Variants in NECTIN3 observed in about 807,000 individuals in gnomAD.
The protein encoded by NECTIN3 is nectin cell adhesion molecule 3, also known as nectin-3.
A neutral mutation model predicts 49.4 loss-of-function variants in NECTIN3; 8 were observed. The observed-to-expected ratio is 0.16, with a 90% CI of 0.10 to 0.29. The LOEUF is 0.29. Ranked by LOEUF, NECTIN3 falls within the 10% of genes least tolerant of loss-of-function variation. NECTIN3 has a pLI of 1.00. For missense variants in NECTIN3, 581 were observed against 654.6 expected (o/e 0.89, Z 1.23); for synonymous variants, 277 against 241.1 (o/e 1.15, Z -1.38).
intron 5 of NECTIN3, among the ~76,000 whole-genome samples, chr3:111,128,104 G>A (rs2034240097): frequency 1.3e-5 from 2 of 152,002 alleles, no homozygotes; most frequent in African/African-American, 4.8e-5. Flanking sequence ...TTGGGAGGCC[G>A]AGGTAGGTGG....
At chr3:111,107,950 G>A (rs572951498) in intron 1 of NECTIN3, among the ~76,000 whole-genome samples, 5 of 152,208 alleles carry the variant, frequency 3.3e-5, no homozygotes, top group African/African-American at 1.2e-4. Flanking sequence ...TGTAATTAGA[G>A]GCTTATGGAA....
intron 1 of NECTIN3, chr3:111,192,423 TG>T (rs1371285837): frequency 6.5e-7 from 1 of 1,532,774 alleles, no homozygotes; most frequent in African/African-American, 1.4e-5. Context: ...TGTAAGTAAC[TG>T]TGTTGTCGGT....
At chr3:111,098,223 T>A (rs776781001) in intron 1 of NECTIN3, among the ~76,000 whole-genome samples, 13 of 152,374 alleles carry the variant, frequency 8.5e-5, no homozygotes, top group Middle Eastern at 3.4e-3. Context: ...TTTTTGTTCA[T>A]GTTATCACTA....
At chr3:111,091,876 A>G (rs2032291753) in intron 1 of NECTIN3, among the ~76,000 whole-genome samples, 1 of 152,170 alleles carries the variant, frequency 6.6e-6, no homozygotes, top group African/African-American at 2.4e-5. Context: ...AGAACTACCA[A>G]ACTGTTTTCC....
chr3:111,098,912 T>G (rs2032744358), intron 1 of NECTIN3, among the ~76,000 whole-genome samples: 1 of 148,240 alleles, frequency 6.7e-6, no homozygotes, highest in Non-Finnish European at 1.5e-5. Context: ...GGTAGGTTGT[T>G]AAATAAACGT....
intron 2 of NECTIN3, among the ~76,000 whole-genome samples, chr3:111,118,418 C>A (rs1378462509): frequency 6.6e-6 from 1 of 151,204 alleles, no homozygotes; most frequent in Non-Finnish European, 1.5e-5. Flanking sequence ...GAATGTATAT[C>A]TTTATCAGGT....
intron 1 of NECTIN3, chr3:111,072,648 G>A: frequency 2.1e-6 from 3 of 1,424,206 alleles, no homozygotes; most frequent in Non-Finnish European, 2.9e-6. Flanking sequence ...CCACCCTGGA[G>A]AAGGCACCAT....
intron 1 of NECTIN3, among the ~76,000 whole-genome samples, chr3:111,101,829 T>C (rs2032922087): frequency 6.6e-6 from 1 of 152,206 alleles, no homozygotes; most frequent in African/African-American, 2.4e-5. Flanking sequence ...TCTAGTTCTT[T>C]GTGCCATTTC....
upstream of NECTIN3, among the ~76,000 whole-genome samples, chr3:111,189,572 T>C (rs1267337476): frequency 6.6e-6 from 1 of 152,152 alleles, no homozygotes; most frequent in African/African-American, 2.4e-5. Flanking sequence ...CAGCAGTGAG[T>C]GATGTGAAAT....
intron 1 of NECTIN3, among the ~76,000 whole-genome samples, chr3:111,082,897 G>GGC (rs2031707832): frequency 6.6e-6 from 1 of 152,214 alleles, no homozygotes; most frequent in Non-Finnish European, 1.5e-5. Context: ...TCAGGCATTA[G>GGC]ATTCTTGTAA....
chr3:111,166,264 G>A (rs2035317554), intron 7 of NECTIN3, among the ~76,000 whole-genome samples: 2 of 152,222 alleles, frequency 1.3e-5, no homozygotes, highest in South Asian at 4.1e-4. Context: ...ATTAGCTCAA[G>A]CACGTCACAT....
chr3:111,105,079 G>C (rs1035250819), intron 1 of NECTIN3, among the ~76,000 whole-genome samples: 1 of 151,014 alleles, frequency 6.6e-6, no homozygotes, highest in African/African-American at 2.4e-5. Context: ...TCACACCTTT[G>C]GTCAGATTTA....
At chr3:111,128,397 A>G (rs554382252) in intron 5 of NECTIN3, among the ~76,000 whole-genome samples, 1 of 151,928 alleles carries the variant, frequency 6.6e-6, no homozygotes, top group East Asian at 1.9e-4. Context: ...GATTTAATTG[A>G]TAATATCCTA....
At chr3:111,173,450 C>G (rs1165129708) in intron 7 of NECTIN3, among the ~76,000 whole-genome samples, 1 of 152,182 alleles carries the variant, frequency 6.6e-6, no homozygotes, top group East Asian at 1.9e-4. Flanking sequence ...TCTGCTCCAC[C>G]TCCCTGAACC....
At chr3:111,118,478 G>GT (rs1422903351) in intron 2 of NECTIN3, among the ~76,000 whole-genome samples, 178 bp from the exon 3 acceptor site, 3 of 151,340 alleles carry the variant, frequency 2.0e-5, no homozygotes, top group Admixed American at 2.0e-4. Flanking sequence ...ATTTGTCCTA[G>GT]TTTATGATCT....
chr3:111,151,850 C>T (rs1438043051), intron 7 of NECTIN3, among the ~76,000 whole-genome samples: 2 of 151,604 alleles, frequency 1.3e-5, no homozygotes, highest in Non-Finnish European at 3.0e-5. Context: ...GAGGTGTTTT[C>T]TAAGGTCTCA....
intron 2 of NECTIN3, among the ~76,000 whole-genome samples, chr3:111,117,138 A>G (rs1355722581): frequency 1.3e-5 from 2 of 152,146 alleles, no homozygotes; most frequent in Admixed American, 1.3e-4. Flanking sequence ...TCTAAAAATA[A>G]AAAAGTAAAA....
Position 111,165,542 on chromosome 3 carries a change from G to A in NECTIN3, c.1221+18058G>A, listed in dbSNP as rs140411460. On this transcript the variant is annotated intron_variant, in intron 7 of 8. Coordinates refer to the NECTIN3 transcript ENST00000493615. ...ATCTTTTAAGGAAATGTAAGGAGAA[G>A]ATTGAAACTGCCCCATACTGCCGGA... Among the ~76,000 whole-genome samples the A allele has an allele frequency of 2.9e-3, 444 of 152,278 alleles. 5 individuals carry two copies. Among genetic ancestry groups the A allele is most frequent in the African/African-American group, 9.9e-3 (411 of 41,558 alleles).
intron 1 of NECTIN3, 75 bp downstream of exon 1, chr3:111,072,252 C>T (rs2030814030): frequency 2.7e-6 from 4 of 1,483,034 alleles, no homozygotes; most frequent in South Asian, 2.6e-5. Context: ...CCGGCTCTGC[C>T]AGCCGTTCTC....
Sources: gnomAD v4.1 joint callset for allele counts (sites outside exome capture counted in the v4.1 genomes callset) on GRCh38, gnomAD v4.1.1 for gene constraint, MANE v1.5 for transcripts, NCBI Gene and HGNC (gene_info 2026-07-23, HGNC 2026-07-21) for gene names.